SEC31B: variants seen among roughly 807,000 people sequenced by gnomAD.
SEC31B encodes SEC31 homolog B, COPII component.
Under a neutral mutation model 135.0 loss-of-function variants are expected in SEC31B, and 113 were observed. The ratio of observed to expected loss-of-function variants is 0.84; its 90% CI spans 0.72 to 0.98. SEC31B has a LOEUF of 0.98. Ranked by LOEUF, SEC31B falls within the 50% of genes least tolerant of loss-of-function variation. SEC31B has a pLI of 0.00. For missense variants in SEC31B, 1,296 were observed against 1,421.1 expected, an observed-to-expected ratio of 0.91 and a Z score of 1.42; for synonymous variants, 508 against 549.4, an observed-to-expected ratio of 0.92 and a Z score of 1.05.
chr10:100,489,699 T>C lies in SEC31B; in HGVS notation c.3024+4A>G, dbSNP rs1851262750. 2 of 1,614,154 alleles carry C rather than the reference T, an allele frequency of 1.2e-6. No individual in the cohort carries two copies. The highest frequency in any genetic ancestry group is 1.7e-6 in the Non-Finnish European group (2 of 1,180,018). ...AGGGAGTGGGTAGGGAAAGATGCAT[T>C]GACCTTGTTCCTCTGGAGGTTTCCC... On this transcript the variant is annotated splice_donor_region_variant and intron_variant, in intron 22 of 25. Coordinates refer to ENST00000370345, the MANE Select transcript of SEC31B (RefSeq NM_015490.4).
chr10:100,495,444 C>G lies in SEC31B; in HGVS notation c.2413G>C (p.Ala805Pro). The G allele has an allele frequency of 6.2e-7, 1 of 1,613,946 alleles. No homozygotes were observed. The highest frequency in any genetic ancestry group is 8.5e-7 in the Non-Finnish European group (1 of 1,179,954). Residue 805 changes from alanine (A) to proline (P), a missense_variant, in exon 19 of 26, where the codon GCT becomes CCT. Physicochemically the swap from Ala to Pro is conservative, Grantham distance 27. Transcript: ENST00000370345. ...GATGTCTCTTTAGAGTGGAGGGTAG[C>G]TCCCACAACAATCCGGGGGAAGGGG... Reference protein sequence around the residue: ...PFPFPRIVVGATLHSKETSSY... With the variant: ...PFPFPRIVVGPTLHSKETSSY...
chr10:100,488,173 T>A, intron 24 of SEC31B, 75 bp from the exon 25 acceptor site: 1 of 1,380,674 alleles, frequency 7.2e-7, no homozygotes, highest in Non-Finnish European at 1.0e-6. Context: ...AATCACAGCA[T>A]ATTAGGCCGG....
At chr10:100,498,299 A>G (rs886287886) in intron 14 of SEC31B, 92 bp from the exon 15 acceptor site, 33 of 1,197,932 alleles carry the variant, frequency 2.8e-5, no homozygotes, top group Non-Finnish European at 3.5e-5. Context: ...CTATATCTCT[A>G]TATCACTCAG....
intron 20 of SEC31B, 170 bp downstream of exon 20, chr10:100,490,536 G>T (rs1262435960): frequency 1.2e-6 from 1 of 858,356 alleles, no homozygotes; most frequent in Non-Finnish European, 1.7e-6. Flanking sequence ...CAACACTTTG[G>T]TATATTGCCA....
chr10:100,488,343 C>T (rs1286291167), intron 24 of SEC31B, among the ~76,000 whole-genome samples: 2 of 151,718 alleles, frequency 1.3e-5, no homozygotes, highest in Non-Finnish European at 2.9e-5. Flanking sequence ...CCTGTAGTCC[C>T]AGCTACTCGG....
intron 11 of SEC31B, among the ~76,000 whole-genome samples, chr10:100,501,882 T>C (rs1469120414): frequency 6.6e-6 from 1 of 152,230 alleles, no homozygotes; most frequent in Non-Finnish European, 1.5e-5. Context: ...GTTTTTCCTT[T>C]CTCCTCTTTT....
At chr10:100,516,070 A>G (rs1564655080) in intron 3 of SEC31B, 26 bp downstream of exon 3, 4 of 1,613,510 alleles carry the variant, frequency 2.5e-6, no homozygotes, top group Non-Finnish European at 3.4e-6. Context: ...TCTACCCTGT[A>G]TACCCATCAA....
rs1353136511 is a variant in SEC31B, at chr10:100,507,919, G to T, written c.628C>A (p.His210Asn). 9 of 1,614,054 alleles carry T rather than the reference G, an allele frequency of 5.6e-6. No homozygotes were observed. The highest frequency in any genetic ancestry group is 3.3e-5 in the Admixed American group (2 of 60,008). Residue 210 changes from histidine to asparagine, a missense_variant, in exon 6 of 26, where the codon CAC (histidine) becomes AAC (asparagine). His to Asn is a moderately conservative substitution (Grantham distance 68). Coordinates refer to ENST00000370345, the MANE Select transcript of SEC31B (RefSeq NM_015490.4). ...KNEPIIKVSD[H>N]SNRMHCSGLA... is the part of the protein sequence containing the mutation. ...CCTCCAATACTCACCCTGTTGCTGT[G>T]ATCACTGACTTTGATGATAGGTTCA...
intron 11 of SEC31B, chr10:100,500,257 C>T (rs1286318859): frequency 2.2e-6 from 1 of 452,794 alleles, no homozygotes; most frequent in Non-Finnish European, 4.4e-6. Flanking sequence ...TATCCCATAT[C>T]CTTCCGAGGA....
intron 20 of SEC31B, 59 bp downstream of exon 20, chr10:100,490,647 C>A: frequency 6.8e-7 from 1 of 1,462,094 alleles, no homozygotes. Context: ...CTGGCCATGC[C>A]AATTGCTTTC....
chr10:100,505,591 C>T (rs2133689672), intron 9 of SEC31B, 96 bp from the exon 10 acceptor site: 3 of 1,483,334 alleles, frequency 2.0e-6, no homozygotes, highest in Non-Finnish European at 2.7e-6. Context: ...CCTTGAGACA[C>T]CCAATTTGAC....
rs1034619958 is a variant in SEC31B at position 100,498,450 on chromosome 10, A to G, written c.1685-243T>C. 34 of 603,434 alleles carry G rather than the reference A, an allele frequency of 5.6e-5. No homozygotes were observed. The Middle Eastern group carries it at 1.3e-3, about 23-fold the overall frequency. 37.4% of individuals were successfully genotyped at this position (603,434 alleles called of 1,614,324 possible). A position where few individuals can be genotyped will look rare whatever the true frequency, so the allele number is the denominator to read the frequency against. On this transcript the variant is annotated intron_variant, in intron 14 of 25. Transcript: ENST00000370345. The stretch of plus-strand genomic sequence containing the variant: ...CACAGTGTGAGGTGTGCTTGATCAC[A>G]GTGGGCAGGGCCACAGTCCTTTCAG...
chr10:100,487,882 T>C (rs1362091790), intron 25 of SEC31B, 87 bp from the exon 26 acceptor site: 19 of 1,558,004 alleles, frequency 1.2e-5, no homozygotes, highest in Non-Finnish European at 1.7e-5. Context: ...ACTTAAGTTC[T>C]GGGGCCCAGT....
In SEC31B at chr10:100,507,441, G is replaced by C; in HGVS notation, c.766C>G (p.Leu256Val). ...AGATGCTACCTGCTGTGGCTCTCCA[G>C]CACCTTCAAGGGCGAGGAGGCAAAG... is the stretch of plus-strand genomic sequence containing the variant. ...LRFASSPLKVLESHSRGILSV... is the reference protein window; with the variant it reads ...LRFASSPLKVVESHSRGILSV... The change falls in exon 7 of 26, where the codon CTG (leucine) becomes GTG (valine). Residue 256 changes from leucine to valine, a missense_variant. Transcript: ENST00000370345. 6.2e-7 allele frequency: 1 copy of C among 1,614,198 alleles called. No homozygotes were observed. The highest frequency in any genetic ancestry group is 1.1e-5 in the South Asian group (1 of 91,080).
intron 19 of SEC31B, among the ~76,000 whole-genome samples, chr10:100,491,254 T>C (rs1026123610): frequency 1.3e-5 from 2 of 152,136 alleles, no homozygotes; most frequent in Non-Finnish European, 2.9e-5. Context: ...ATTAAAGAAA[T>C]TGAGTTTGTA....
intron 22 of SEC31B, 150 bp downstream of exon 22, chr10:100,489,553 G>T: frequency 7.3e-7 from 1 of 1,363,792 alleles, no homozygotes; most frequent in Non-Finnish European, 1.0e-6. Flanking sequence ...AAGAGGGAAA[G>T]AGAAAGAAGA....
intron 19 of SEC31B, among the ~76,000 whole-genome samples, chr10:100,493,506 ATC>A (rs1219344491): frequency 1.1e-4 from 16 of 152,220 alleles, no homozygotes; most frequent in Non-Finnish European, 2.1e-4. Context: ...AGAAAAGCCA[ATC>A]TCAAAAGGAT....
Position 100,490,064 on chromosome 10 carries a change from G to A in SEC31B, c.2909C>T (p.Pro970Leu), listed in dbSNP as rs1392632283. ...SFPVPYLPGD[P>L]GAPCSSVLPT... ...GAGGACACTAGAGCATGGGGCACCT[G>A]GGTCCCCTGGAAGGTATGGCACAGG... Residue 970 changes from proline (P) to leucine (L), a missense_variant, in exon 21 of 26, where the codon CCA becomes CTA. Transcript: ENST00000370345. The A allele has an allele frequency of 1.3e-6, 2 of 1,566,380 alleles. No individual in the cohort carries two copies. The highest frequency in any genetic ancestry group is 1.9e-5 in the Admixed American group (1 of 51,686).
At chr10:100,489,028 G>A in intron 23 of SEC31B, 54 bp from the exon 24 acceptor site, 6 of 1,556,090 alleles carry the variant, frequency 3.9e-6, no homozygotes, top group South Asian at 3.7e-5. Context: ...TCCTTCTCAT[G>A]GCTTCCCTAA....
Sources: gnomAD v4.1 joint callset for allele counts (sites outside exome capture counted in the v4.1 genomes callset) on GRCh38, gnomAD v4.1.1 for gene constraint, MANE v1.5 for transcripts, NCBI Gene and HGNC (gene_info 2026-07-23, HGNC 2026-07-21) for gene names.